The following CACNA2D3 variants were observed in gnomAD, a reference collection of about 807,000 sequenced individuals.
CACNA2D3 encodes voltage-dependent calcium channel subunit alpha-2/delta-3.
A neutral mutation model predicts 160.6 loss-of-function variants in CACNA2D3; 60 were observed. That is an observed-to-expected ratio of 0.37 (90% CI 0.30 to 0.46). The LOEUF (loss-of-function observed/expected upper bound fraction) is 0.46, where lower values mean the gene tolerates loss of function less well. Ranked by LOEUF, CACNA2D3 falls within the 20% of genes least tolerant of loss-of-function variation. The pLI, the probability that CACNA2D3 is intolerant of heterozygous loss-of-function variation, is 1.00. For missense variants in CACNA2D3, 1,205 were observed against 1,365.0 expected, an observed-to-expected ratio of 0.88 and a Z score of 1.85; for synonymous variants, 558 against 492.9, an observed-to-expected ratio of 1.13 and a Z score of -1.75.
intron 4 of CACNA2D3, among the ~76,000 whole-genome samples, chr3:54,427,706 C>T (rs1366249262): frequency 1.3e-5 from 2 of 152,198 alleles, no homozygotes; most frequent in Non-Finnish European, 2.9e-5. Flanking sequence ...AGGTTACTGT[C>T]CTCAGGCACT....
At chr3:54,128,132 G>A (rs181684451) in intron 2 of CACNA2D3, among the ~76,000 whole-genome samples, 89 of 152,192 alleles carry the variant, frequency 5.8e-4, no homozygotes, top group Middle Eastern at 3.4e-3. Context: ...TTATAATTTT[G>A]ATTGATTAGC....
intron 4 of CACNA2D3, among the ~76,000 whole-genome samples, chr3:54,501,659 A>G (rs912099708): frequency 6.6e-6 from 1 of 151,904 alleles, no homozygotes; most frequent in East Asian, 1.9e-4. Context: ...GGCTCAAGCA[A>G]TCCTCCTGCC....
rs563620539 is a variant in CACNA2D3 at position 54,594,574 on chromosome 3, G to A, written c.963+12697G>A. Among the ~76,000 whole-genome samples, 22 of 152,256 alleles carry A rather than the reference G, an allele frequency of 1.4e-4. No homozygotes were observed. In the South Asian group the frequency reaches 4.6e-3, roughly 32 times the overall value. ...TTTTGGCAAATGAGGATTTGGGGTG[G>A]ATCTTTCCTTAGACTGTCTACCTTC... On this transcript the variant is annotated intron_variant, in intron 9 of 37. Transcript: ENST00000474759.
intron 9 of CACNA2D3, chr3:54,626,290 G>C (rs949723142): frequency 5.5e-5 from 82 of 1,502,944 alleles, no homozygotes; most frequent in African/African-American, 1.4e-5. Context: ...CCAGCTGCTG[G>C]ACATGTCCTA....
At chr3:54,916,586 G>A (rs940510576) in intron 27 of CACNA2D3, among the ~76,000 whole-genome samples, 2 of 152,172 alleles carry the variant, frequency 1.3e-5, no homozygotes, top group Non-Finnish European at 2.9e-5. Context: ...CAGAAAGGTG[G>A]TCCATCTTTA....
At chr3:54,477,886 G>C (rs990588034) in intron 4 of CACNA2D3, among the ~76,000 whole-genome samples, 1 of 152,210 alleles carries the variant, frequency 6.6e-6, no homozygotes, top group Non-Finnish European at 1.5e-5. Flanking sequence ...ATGGGTGGTA[G>C]AGAGGAGTTA....
intron 12 of CACNA2D3, among the ~76,000 whole-genome samples, chr3:54,761,898 C>T (rs577071628): frequency 6.6e-6 from 1 of 152,278 alleles, no homozygotes; most frequent in South Asian, 2.1e-4. Flanking sequence ...TGGGTCCCGA[C>T]CCTTTCTGGA....
At chr3:54,294,371 C>A (rs370914808) in intron 2 of CACNA2D3, among the ~76,000 whole-genome samples, 3 of 152,170 alleles carry the variant, frequency 2.0e-5, no homozygotes, top group African/African-American at 7.2e-5. Context: ...AGTTTAGGCC[C>A]CCTGGTGACA....
At chr3:54,226,743 G>A (rs552926199) in intron 2 of CACNA2D3, among the ~76,000 whole-genome samples, 8 of 152,202 alleles carry the variant, frequency 5.3e-5, no homozygotes, top group South Asian at 4.1e-4. Context: ...CTTCAGCCAC[G>A]TGGCTTTTGA....
At chr3:54,983,630 A>C (rs1228730241) in intron 29 of CACNA2D3, among the ~76,000 whole-genome samples, 2 of 152,206 alleles carry the variant, frequency 1.3e-5, no homozygotes, top group African/African-American at 2.4e-5. Context: ...GTCACTGTCT[A>C]GTAATAAAGG....
At chr3:54,788,251 T>C (rs1161802171) in intron 13 of CACNA2D3, among the ~76,000 whole-genome samples, 1 of 152,232 alleles carries the variant, frequency 6.6e-6, no homozygotes, top group Non-Finnish European at 1.5e-5. Flanking sequence ...GACATGGTAA[T>C]CTTAAGGAAG....
At position 54,958,421 on chromosome 3, in the gene CACNA2D3, A is replaced by G. The variant is rs181641369; in HGVS notation, c.2450-10029A>G. Among the ~76,000 whole-genome samples, 11 of 152,212 alleles carry G rather than the reference A, an allele frequency of 7.2e-5. No homozygotes were observed. The East Asian group carries it at 1.6e-3, about 21-fold the overall frequency. On this transcript the variant is annotated intron_variant, in intron 27 of 37. Coordinates refer to ENST00000474759, the MANE Select transcript of CACNA2D3 (RefSeq NM_018398.3). ...TTTTTTAAAGAGTATTTTTAGGTCA[A>G]AGTCAGTTTATTCCCTACAGCAGTA...
chr3:54,180,809 C>T (rs578235901), intron 2 of CACNA2D3, among the ~76,000 whole-genome samples: 1 of 152,300 alleles, frequency 6.6e-6, no homozygotes, highest in East Asian at 1.9e-4. Flanking sequence ...ATATTGCATG[C>T]ACTAAGCCTG....
At chr3:54,927,902 C>T (rs748008128) in intron 27 of CACNA2D3, 24 of 1,613,584 alleles carry the variant, frequency 1.5e-5, no homozygotes, top group East Asian at 8.9e-5. Flanking sequence ...GATCAGGGCT[C>T]ACCTTTCATG....
chr3:54,238,081 T>C (rs1220840316), intron 2 of CACNA2D3, among the ~76,000 whole-genome samples: 1 of 152,222 alleles, frequency 6.6e-6, no homozygotes, highest in South Asian at 2.1e-4. Flanking sequence ...TGAAAAACAC[T>C]GCTGCATACT....
chr3:54,825,408 GT>G (rs1235023115), intron 14 of CACNA2D3, among the ~76,000 whole-genome samples: 1 of 152,152 alleles, frequency 6.6e-6, no homozygotes, highest in Admixed American at 6.5e-5. Flanking sequence ...TCAATGTTCT[GT>G]TTCCTTGCTT....
At chr3:54,275,460 C>T (rs1046872727) in intron 2 of CACNA2D3, among the ~76,000 whole-genome samples, 1 of 143,982 alleles carries the variant, frequency 6.9e-6, no homozygotes, top group African/African-American at 2.6e-5. Context: ...ATACAGCTAT[C>T]AAAATATAAA....
intron 2 of CACNA2D3, chr3:54,197,373 T>A (rs968651310): frequency 1.3e-5 from 2 of 152,228 alleles, no homozygotes; most frequent in African/African-American, 4.8e-5. Context: ...TGCCATAATA[T>A]TTAAGCATCT....
At chr3:54,189,578 G>A (rs1172250547) in intron 2 of CACNA2D3, among the ~76,000 whole-genome samples, 1 of 152,130 alleles carries the variant, frequency 6.6e-6, no homozygotes, top group Non-Finnish European at 1.5e-5. Context: ...TGTGTGAGGT[G>A]GAACAGACTG....
Sources: allele counts gnomAD v4.1 joint callset (sites outside exome capture counted in the v4.1 genomes callset), GRCh38; gene constraint gnomAD v4.1.1; transcripts MANE v1.5; gene names NCBI Gene and HGNC (gene_info 2026-07-23, HGNC 2026-07-21).